Variants in CAST observed in about 807,000 individuals in gnomAD.
CAST encodes MIR583 host.
In CAST, 76 loss-of-function variants were observed where a neutral mutation model predicts 119.6. The observed-to-expected ratio is 0.64, with a 90% confidence interval of 0.53 to 0.77. The LOEUF (loss-of-function observed/expected upper bound fraction) is 0.77. Among genes scored for constraint, CAST ranks in the 30% least tolerant of loss-of-function variants. The pLI is 0.00. For missense variants in CAST, 953 were observed against 946.5 expected (o/e 1.01, Z -0.09); for synonymous variants, 319 against 331.6 (o/e 0.96, Z 0.41).
chr5:96,058,925 C>A, the CAST span, among the ~76,000 whole-genome samples: 3 of 152,196 alleles, frequency 2.0e-5, no homozygotes, highest in Admixed American at 1.3e-4. Flanking sequence ...AGTAGCATAT[C>A]CCCAGAAAAG....
chr5:96,315,669 C>T, the CAST span, among the ~76,000 whole-genome samples: 2 of 152,296 alleles, frequency 1.3e-5, no homozygotes, highest in East Asian at 3.9e-4. Context: ...TATTGCCTTC[C>T]CTTTGAATGT....
chr5:96,469,221 A>G, the CAST span, among the ~76,000 whole-genome samples: 7 of 152,244 alleles, frequency 4.6e-5, no homozygotes, highest in African/African-American at 1.4e-4. Context: ...GGTAAAGTAC[A>G]TCAGCGTGAT....
At chr5:95,988,985 C>T in the CAST span, among the ~76,000 whole-genome samples, 2 of 152,134 alleles carry the variant, frequency 1.3e-5, no homozygotes, top group African/African-American at 2.4e-5. Context: ...TCTTTTGGAA[C>T]GAGTGGGCCT....
chr5:96,059,752 G>A, the CAST span, among the ~76,000 whole-genome samples: 3 of 152,184 alleles, frequency 2.0e-5, no homozygotes, highest in Non-Finnish European at 4.4e-5. Context: ...TAGTCACTAC[G>A]ACCTCCACAT....
the CAST span, among the ~76,000 whole-genome samples, chr5:96,167,194 C>T: frequency 6.6e-6 from 1 of 152,130 alleles, no homozygotes; most frequent in Non-Finnish European, 1.5e-5. Context: ...CATAGCCCTG[C>T]CAGCAAAGAT....
At chr5:96,189,196 C>T in the CAST span, among the ~76,000 whole-genome samples, 1 of 152,184 alleles carries the variant, frequency 6.6e-6, no homozygotes, top group Non-Finnish European at 1.5e-5. Flanking sequence ...CTATATCCCG[C>T]ATCTTCATCT....
the CAST span, among the ~76,000 whole-genome samples, chr5:96,107,314 A>G: frequency 4.0e-5 from 6 of 150,588 alleles, no homozygotes; most frequent in Middle Eastern, 3.4e-3. Flanking sequence ...GTTTCTTCCT[A>G]GTCTCGATGG....
At chr5:96,102,615 A>G in the CAST span, among the ~76,000 whole-genome samples, 1 of 152,086 alleles carries the variant, frequency 6.6e-6, no homozygotes, top group African/African-American at 2.4e-5. Flanking sequence ...CTGCCTGCCT[A>G]GCATTTCTCT....
Position 96,727,383 on chromosome 5 carries a change from CTCTTT to C in CAST, c.337-104_337-100del, listed in dbSNP as rs1432495547. The C allele has an allele frequency of 2.5e-5, 14 of 564,566 alleles. No individual in the cohort carries two copies. The East Asian group carries it at 3.1e-4, about 13-fold the overall frequency. The allele number at this position is 564,566 out of a possible 1,614,324, so 35.0% of individuals were successfully genotyped here. ...TGTTTATAATTACATTAAAAATCAT[CTCTTT>C]TGAGTTTCCTCAGTTGAAGAAAATC... is the stretch of plus-strand genomic sequence containing the variant. On this transcript the variant is annotated intron_variant, in intron 5 of 31. Coordinates refer to ENST00000675179, the MANE Select transcript of CAST (RefSeq NM_001750.7).
At chr5:96,619,750 A>G (rs1276747462) in intron 1 of CAST, among the ~76,000 whole-genome samples, 2 of 152,060 alleles carry the variant, frequency 1.3e-5, no homozygotes, top group East Asian at 3.9e-4. Flanking sequence ...GAAGGGTAAC[A>G]CTCACCGCGA....
the CAST span, among the ~76,000 whole-genome samples, chr5:96,002,179 C>A: frequency 1.3e-5 from 2 of 152,192 alleles, no homozygotes; most frequent in African/African-American, 4.8e-5. Context: ...TTATACCATG[C>A]GTTTTGAAAA....
intron 1 of CAST, among the ~76,000 whole-genome samples, chr5:96,654,719 G>T (rs1414528955): frequency 6.6e-6 from 1 of 152,102 alleles, no homozygotes; most frequent in African/African-American, 2.4e-5. Context: ...CAAAAAAGGG[G>T]CATCTGGATT....
chr5:96,752,961 T>TACAC (rs112835890), intron 20 of CAST, among the ~76,000 whole-genome samples: 12,836 of 143,298 alleles, frequency 0.09, 641 homozygotes, highest in Non-Finnish European at 0.11. Flanking sequence ...ATGCATTTTA[T>TACAC]ACACACACAC....
the CAST span, among the ~76,000 whole-genome samples, chr5:96,253,771 G>A: frequency 6.6e-6 from 1 of 152,042 alleles, no homozygotes; most frequent in South Asian, 2.1e-4. Context: ...TATTGCATTT[G>A]TCCCAGTTGA....
the CAST span, among the ~76,000 whole-genome samples, chr5:96,210,655 T>C: frequency 2.0e-5 from 3 of 152,076 alleles, no homozygotes; most frequent in Non-Finnish European, 2.9e-5. Flanking sequence ...AATTTAAAGC[T>C]GTTTTTCTTC....
chr5:96,500,729 C>T, the CAST span, among the ~76,000 whole-genome samples: 1 of 152,092 alleles, frequency 6.6e-6, no homozygotes, highest in South Asian at 2.1e-4. Context: ...ATAACATTAG[C>T]CAGAACAAAG....
the CAST span, among the ~76,000 whole-genome samples, chr5:96,039,194 C>G: frequency 6.6e-6 from 1 of 152,046 alleles, no homozygotes; most frequent in Admixed American, 6.6e-5. Context: ...CTTTTTATAT[C>G]CTTTGCCCAT....
the CAST span, among the ~76,000 whole-genome samples, chr5:96,456,834 T>C: frequency 6.6e-6 from 1 of 152,204 alleles, no homozygotes; most frequent in Non-Finnish European, 1.5e-5. Context: ...ATGGGGGTAG[T>C]TCCCCCATCC....
At chr5:96,240,343 C>G in the CAST span, among the ~76,000 whole-genome samples, 2 of 152,260 alleles carry the variant, frequency 1.3e-5, no homozygotes, top group East Asian at 3.9e-4. Context: ...GGTACATCAG[C>G]AGAAGAATGT....
Sources: allele counts gnomAD v4.1 joint callset (sites outside exome capture counted in the v4.1 genomes callset), GRCh38; gene constraint gnomAD v4.1.1; transcripts MANE v1.5; gene names NCBI Gene and HGNC (gene_info 2026-07-23, HGNC 2026-07-21).